Variants in JUP observed in about 807,000 individuals in gnomAD.
The protein encoded by JUP is catenin (cadherin-associated protein), gamma 80kDa.
In JUP, 28 loss-of-function variants were observed where a neutral mutation model predicts 71.1. The observed-to-expected ratio is 0.39, with a 90% CI of 0.29 to 0.54. The LOEUF is 0.54. Among genes scored for constraint, JUP ranks in the 20% least tolerant of loss-of-function variants. JUP has a pLI of 0.62. For missense variants in JUP, 869 were observed against 1,030.1 expected, an observed-to-expected ratio of 0.84 and a Z score of 2.14; for synonymous variants, 401 against 438.9, an observed-to-expected ratio of 0.91 and a Z score of 1.08.
At chr17:41,761,438 C>T (rs1490401726) in intron 8 of JUP, among the ~76,000 whole-genome samples, 5 of 151,354 alleles carry the variant, frequency 3.3e-5, no homozygotes, top group Non-Finnish European at 7.4e-5. Flanking sequence ...TCCACTCATT[C>T]GTGTGAGGAC....
chr17:41,755,446 G>T lies in JUP; in HGVS notation c.*298C>A, dbSNP rs868965112. On this transcript the variant is annotated 3_prime_UTR_variant, in exon 14 of 14. Transcript: ENST00000393931. ...GAGGAACCGCACCTGTTAGGGGAGC[G>T]GGGACAGACAGGGGTCAGGGGCTCG... is the stretch of plus-strand genomic sequence containing the variant. 7.1e-6 allele frequency: 3 copies of T among 423,530 alleles called. No homozygotes were observed. Among genetic ancestry groups the T allele is most frequent in the East Asian group, 3.4e-5 (1 of 29,020 alleles). 26.2% of individuals were successfully genotyped at this position (423,530 alleles called of 1,614,324 possible).
At chr17:41,757,808 C>T in intron 10 of JUP, 24 bp from the exon 11 acceptor site, 1 of 1,594,914 alleles carries the variant, frequency 6.3e-7, no homozygotes, top group Middle Eastern at 1.9e-4. Context: ...ACGTGGGAAG[C>T]AGGGGAGAGG....
At chr17:41,782,990 G>A (rs36033724) in intron 1 of JUP, among the ~76,000 whole-genome samples, 5,121 of 151,852 alleles carry the variant, frequency 0.034, 263 homozygotes, top group African/African-American at 0.12. Context: ...CCAGCTACTC[G>A]GGAGGCTGAG....
At chr17:41,765,178 T>C in intron 5 of JUP, 111 bp from the exon 6 acceptor site, 1 of 1,075,514 alleles carries the variant, frequency 9.3e-7, no homozygotes, top group East Asian at 2.4e-5. Context: ...AAAGCACGAA[T>C]AGTTCGTTTT....
At position 41,783,082 on chromosome 17, in the gene JUP, G is replaced by A. The variant is rs565853453; in HGVS notation, c.-9+3506C>T. Among the ~76,000 whole-genome samples the A allele has an allele frequency of 8.1e-5, 12 of 148,656 alleles. No individual in the cohort carries two copies. The East Asian group carries it at 2.2e-3, about 27-fold the overall frequency. On this transcript the variant is annotated intron_variant, in intron 1 of 13. Coordinates refer to ENST00000393931, the MANE Select transcript of JUP (RefSeq NM_002230.4). ...ACTGCACTCCAGCCTGGGTGGCAGA[G>A]CGTGACTCCATCTCAAAAAAAAAAA...
At chr17:41,777,878 G>A (rs782413014) in intron 1 of JUP, among the ~76,000 whole-genome samples, 1 of 152,202 alleles carries the variant, frequency 6.6e-6, no homozygotes, top group African/African-American at 2.4e-5. Context: ...CCTGGAGAGG[G>A]CTCCAGCTGG....
intron 1 of JUP, among the ~76,000 whole-genome samples, chr17:41,783,992 G>A (rs563819061): frequency 6.6e-6 from 1 of 151,886 alleles, no homozygotes; most frequent in East Asian, 1.9e-4. Context: ...GGGTAGATAG[G>A]TATTAGTATT....
intron 8 of JUP, among the ~76,000 whole-genome samples, chr17:41,762,123 C>CAG (rs528611507): frequency 1.4e-4 from 10 of 69,208 alleles, no homozygotes; most frequent in South Asian, 7.4e-4. Context: ...TGCAGAGAGA[C>CAG]AGAGAGAGAG....
intron 1 of JUP, among the ~76,000 whole-genome samples, chr17:41,776,915 C>G (rs1471578497): frequency 6.6e-6 from 1 of 151,676 alleles, no homozygotes. Flanking sequence ...CTGAGGCAGG[C>G]GAATCACTTG....
At chr17:41,760,404 C>T (rs1259899281) in intron 8 of JUP, among the ~76,000 whole-genome samples, 9 of 150,546 alleles carry the variant, frequency 6.0e-5, no homozygotes, top group African/African-American at 2.2e-4. Flanking sequence ...CACAGGCGCC[C>T]GCCACCACGC....
intron 1 of JUP, among the ~76,000 whole-genome samples, chr17:41,781,397 G>A (rs1333979962): frequency 2.0e-5 from 3 of 152,054 alleles, no homozygotes; most frequent in Admixed American, 6.6e-5. Flanking sequence ...AAAGAAAGCT[G>A]AGCTTCCTGC....
At chr17:41,755,946 G>A in intron 13 of JUP, 51 bp from the exon 14 acceptor site, 2 of 1,576,548 alleles carry the variant, frequency 1.3e-6, no homozygotes, top group Non-Finnish European at 1.7e-6. Flanking sequence ...CTACCCTGCA[G>A]GGAGCAGTCT....
chr17:41,772,126 G>C, intron 1 of JUP: 1 of 558,392 alleles, frequency 1.8e-6, no homozygotes, highest in African/African-American at 1.9e-5. Context: ...TGACCTCCCA[G>C]GGGGATGAGC....
chr17:41,758,770 T>A lies in JUP; in HGVS notation c.1598A>T (p.Lys533Met), dbSNP rs1914308066. 2 of 1,610,162 alleles carry A rather than the reference T, an allele frequency of 1.2e-6. No homozygotes were observed. Among genetic ancestry groups the A allele is most frequent in the East Asian group, 4.5e-5 (2 of 44,728 alleles). ...VIPRLVQLLV[K>M]AHQDAQRHVA... ...GTGGCGCTGGGCATCCTGGTGGGCC[T>A]TCACCAGCAGTTGGACGAGGCGGGG... Residue 533 changes from lysine to methionine, a missense_variant, in exon 9 of 14, where the codon AAG becomes ATG. Transcript: ENST00000393931.
rs1555605713 is a variant in JUP at position 41,769,478 on chromosome 17, A to G, written c.408T>C (p.Asp136=). The G allele has an allele frequency of 2.5e-6, 4 of 1,613,026 alleles. No homozygotes were observed. The highest frequency in any genetic ancestry group is 1.3e-5 in the African/African-American group (1 of 74,906). ...AIVHLINYQD[D]AELATRALPE... ...GCAGGGCGCGAGTGGCCAGCTCGGC[A>G]TCGTCCTGGTAGTTGATGAGATGCA... The change falls in exon 3 of 14, where the codon GAT becomes GAC. Residue 136 remains aspartate, a synonymous_variant. Coordinates refer to ENST00000393931, the MANE Select transcript of JUP (RefSeq NM_002230.4).
Position 41,769,502 on chromosome 17 carries a change from C to T in JUP, c.384G>A (p.Val128=), listed in dbSNP as rs781941068. Reference sequence around the variant, plus strand: ...CATCGTCCTGGTAGTTGATGAGATGCACAATGGCCGACTTGAGCAGCTGGG... The same window carrying T: ...CATCGTCCTGGTAGTTGATGAGATGTACAATGGCCGACTTGAGCAGCTGGG... ...EPSQLLKSAI[V]HLINYQDDAE... The change falls in exon 3 of 14, where the codon GTG becomes GTA. Residue 128 remains valine (V), a synonymous_variant. Coordinates refer to ENST00000393931, the MANE Select transcript of JUP (RefSeq NM_002230.4). 1.9e-6 allele frequency: 3 copies of T among 1,612,904 alleles called. No individual in the cohort carries two copies. The South Asian group carries it at 3.3e-5, about 18-fold the overall frequency.
intron 2 of JUP, 182 bp downstream of exon 2, chr17:41,771,465 A>C (rs1916636454): frequency 1.6e-6 from 1 of 626,780 alleles, no homozygotes; most frequent in Non-Finnish European, 2.8e-6. Context: ...TGACCCTCCC[A>C]GATGCAGCAC....
intron 1 of JUP, 73 bp from the exon 2 acceptor site, chr17:41,771,935 AGCCCC>A: frequency 8.0e-7 from 1 of 1,250,046 alleles, no homozygotes; most frequent in South Asian, 1.3e-5. Context: ...CCCGTCACCA[AGCCCC>A]GCCTGTCTTC....
rs1350042324 is a variant in JUP, at chr17:41,758,448, A to G, written c.1724T>C (p.Met575Thr). ...GAGCCGGAAGATCTCCATGCGGTTC[A>G]TGGGGTCCCGGGCGAGGATGTGCAG... ...GALHILARDP[M>T]NRMEIFRLNT... Residue 575 changes from methionine to threonine, a missense_variant, in exon 10 of 14, where the codon ATG becomes ACG. Physicochemically the swap from Met to Thr is moderately conservative, Grantham distance 81. Transcript: ENST00000393931. 2 of 1,614,082 alleles carry G rather than the reference A, an allele frequency of 1.2e-6. No homozygotes were observed. The highest frequency in any genetic ancestry group is 1.7e-6 in the Non-Finnish European group (2 of 1,180,028).
Sources: allele counts gnomAD v4.1 joint callset (sites outside exome capture counted in the v4.1 genomes callset), GRCh38; gene constraint gnomAD v4.1.1; transcripts MANE v1.5; gene names NCBI Gene and HGNC (gene_info 2026-07-23, HGNC 2026-07-21).